Variants in ARHGAP5 observed in about 807,000 individuals in gnomAD.
ARHGAP5 encodes rho GTPase-activating protein 5.
In ARHGAP5, 23 loss-of-function variants were observed where a neutral mutation model predicts 116.6. The observed-to-expected ratio is 0.20, with a 90% CI of 0.14 to 0.28. The LOEUF is 0.28. ARHGAP5 is among the 10% of genes least tolerant of loss of function. The pLI, the probability that ARHGAP5 is intolerant of heterozygous loss-of-function variation, is 1.00. For missense variants in ARHGAP5, 1,405 were observed against 1,774.8 expected, an observed-to-expected ratio of 0.79 and a Z score of 3.74; for synonymous variants, 574 against 602.0, an observed-to-expected ratio of 0.95 and a Z score of 0.68.
chr14:32,152,318 T>G lies in ARHGAP5; in HGVS notation c.4076-105T>G. On this transcript the variant is annotated intron_variant, in intron 5 of 6. Coordinates refer to ENST00000345122, the MANE Select transcript of ARHGAP5 (RefSeq NM_001030055.2). ...ATTTTGTTTACCTATCCTAATATGC[T>G]TTAAACACATTCTTGACTGTTATAG... The G allele has an allele frequency of 6.2e-6, 5 of 800,482 alleles. No homozygotes were observed. The South Asian group carries it at 8.4e-5, about 13-fold the overall frequency. The allele number at this position is 800,482 out of a possible 1,614,324, so 49.6% of individuals were successfully genotyped here.
intron 1 of ARHGAP5, among the ~76,000 whole-genome samples, chr14:32,077,705 C>G (rs1317359309): frequency 6.6e-6 from 1 of 152,012 alleles, no homozygotes; most frequent in African/African-American, 2.4e-5. Flanking sequence ...GGGCCAGGGT[C>G]GGCGGAGGCC....
At chr14:32,110,605 A>C (rs1879244935) in intron 2 of ARHGAP5, among the ~76,000 whole-genome samples, 1 of 152,174 alleles carries the variant, frequency 6.6e-6, no homozygotes, top group African/African-American at 2.4e-5. Context: ...AATGTAAAGG[A>C]GCGGAGTCCA....
intron 3 of ARHGAP5, among the ~76,000 whole-genome samples, chr14:32,132,597 C>A (rs941046876): frequency 2.6e-5 from 4 of 152,172 alleles, no homozygotes; most frequent in African/African-American, 9.7e-5. Flanking sequence ...TAATTAGATC[C>A]TATTTGTCAA....
intron 2 of ARHGAP5, among the ~76,000 whole-genome samples, chr14:32,094,866 G>A (rs1015661485): frequency 2.0e-5 from 3 of 152,108 alleles, no homozygotes; most frequent in African/African-American, 7.2e-5. Context: ...TATACAGAAA[G>A]GTTTCTGAAA....
chr14:32,120,588 C>CA (rs1357288566), intron 3 of ARHGAP5, among the ~76,000 whole-genome samples: 2 of 149,052 alleles, frequency 1.3e-5, no homozygotes, highest in Non-Finnish European at 3.0e-5. Context: ...TTGTTTAATT[C>CA]AAAATACTTT....
rs751807923 is a variant in ARHGAP5 at position 32,154,882 on chromosome 14, G to T, written c.4443G>T (p.Leu1481Phe). 6.2e-7 allele frequency: 1 copy of T among 1,613,858 alleles called. No homozygotes were observed. The highest frequency in any genetic ancestry group is 1.3e-5 in the African/African-American group (1 of 74,912). Residue 1481 changes from leucine (L) to phenylalanine (F), a missense_variant, in exon 7 of 7, where the codon TTG becomes TTT. Leu to Phe is a conservative substitution (Grantham distance 22). Around this residue, in one of 6 missense-constraint regions of ARHGAP5, gnomAD observed 85 missense variants for 96.6 expected, o/e 0.88. Transcript: ENST00000345122. ...QLVEPMVPLQ[L>F]PPPLQPQLIQ... is the part of the protein sequence containing the mutation. ...TGGAACCAATGGTGCCACTTCAGTT[G>T]CCGCCACCATTGCAACCTCAGCTGA...
intron 2 of ARHGAP5, among the ~76,000 whole-genome samples, chr14:32,115,672 A>G (rs1369942256): frequency 2.0e-5 from 3 of 149,368 alleles, no homozygotes; most frequent in Non-Finnish European, 4.5e-5. Context: ...TCAAAAAAAA[A>G]AAAAAAAAAA....
intron 5 of ARHGAP5, among the ~76,000 whole-genome samples, chr14:32,150,844 G>T (rs74625574): frequency 0.035 from 5,357 of 152,122 alleles, 386 homozygotes; most frequent in East Asian, 0.33. Flanking sequence ...TTCCTACTTT[G>T]GCATCTTTCA....
At position 32,092,156 on chromosome 14, in the gene ARHGAP5, A is replaced by T; in HGVS notation, c.1487A>T (p.Glu496Val). 1 of 1,613,788 alleles carries T rather than the reference A, an allele frequency of 6.2e-7. No individual in the cohort carries two copies. Among genetic ancestry groups the T allele is most frequent in the Non-Finnish European group, 8.5e-7 (1 of 1,179,780 alleles). ...AKEEFQEMLF[E>V]HSELFYDLDL... ...GAAGAGTTTCAAGAAATGCTTTTTG[A>T]GCATTCTGAACTTTTTTATGATTTA... The change falls in exon 2 of 7, where the codon GAG becomes GTG. Residue 496 changes from glutamate (E) to valine (V), a missense_variant. Glu to Val is a moderately radical substitution (Grantham distance 121). Transcript: ENST00000345122. The surrounding 1 kb of genome is among the most constrained non-coding windows in gnomAD (Gnocchi z 4.1).
At chr14:32,127,795 G>A (rs574526916) in intron 3 of ARHGAP5, among the ~76,000 whole-genome samples, 175 of 150,976 alleles carry the variant, frequency 1.2e-3, no homozygotes, top group African/African-American at 3.6e-3. Flanking sequence ...GGCTGGAGGC[G>A]CCCCCCACCT....
At chr14:32,125,112 G>T (rs1402422961) in intron 3 of ARHGAP5, among the ~76,000 whole-genome samples, 1 of 152,084 alleles carries the variant, frequency 6.6e-6, no homozygotes, top group East Asian at 1.9e-4. Context: ...TCTAGTTCCA[G>T]AACATTTTCA....
intron 2 of ARHGAP5, among the ~76,000 whole-genome samples, chr14:32,108,480 T>C (rs928833131): frequency 6.6e-6 from 1 of 151,994 alleles, no homozygotes; most frequent in Non-Finnish European, 1.5e-5. Flanking sequence ...GCAGTTATTA[T>C]AGAGGGAAAA....
chr14:32,108,679 G>A (rs1879136937), intron 2 of ARHGAP5, among the ~76,000 whole-genome samples: 1 of 152,048 alleles, frequency 6.6e-6, no homozygotes, highest in African/African-American at 2.4e-5. Flanking sequence ...TCTCAAGTAT[G>A]AGACAGTATA....
chr14:32,106,951 ATGTCCC>A (rs1181861330), intron 2 of ARHGAP5, among the ~76,000 whole-genome samples: 1 of 152,168 alleles, frequency 6.6e-6, no homozygotes, highest in Non-Finnish European at 1.5e-5. Context: ...ACTTCTGAAA[ATGTCCC>A]TGACCTCATC....
intron 2 of ARHGAP5, among the ~76,000 whole-genome samples, chr14:32,095,075 A>G (rs1261609129): frequency 6.6e-6 from 1 of 152,194 alleles, no homozygotes; most frequent in Admixed American, 6.5e-5. Flanking sequence ...ACTGTTTGAC[A>G]CTTAATTGCA....
intron 2 of ARHGAP5, among the ~76,000 whole-genome samples, chr14:32,110,978 C>T (rs538098108): frequency 1.3e-5 from 2 of 152,166 alleles, no homozygotes; most frequent in African/African-American, 2.4e-5. Context: ...TTTTCTTAGA[C>T]TTTAAACTGA....
chr14:32,121,970 A>C (rs1879910660), intron 3 of ARHGAP5, among the ~76,000 whole-genome samples: 1 of 152,120 alleles, frequency 6.6e-6, no homozygotes, highest in East Asian at 1.9e-4. Flanking sequence ...GTTTGTTTCT[A>C]CTTTTTAACT....
At position 32,116,233 on chromosome 14, in the gene ARHGAP5, G is replaced by A. The variant is rs1448229470; in HGVS notation, c.3718-907G>A. ...ACCTGGGAGGCGGAGCTTGCAGTGA[G>A]CCTAGACCCTGCGCCACTGCACTCC... On this transcript the variant is annotated intron_variant, in intron 2 of 6. Coordinates refer to ENST00000345122, the MANE Select transcript of ARHGAP5 (RefSeq NM_001030055.2). Among the ~76,000 whole-genome samples the A allele has an allele frequency of 3.3e-5, 5 of 151,168 alleles. No homozygotes were observed. In the East Asian group the frequency reaches 7.8e-4, roughly 23 times the overall value.
intron 4 of ARHGAP5, among the ~76,000 whole-genome samples, chr14:32,147,860 T>TA (rs1452644445): frequency 1.3e-5 from 2 of 152,180 alleles, no homozygotes; most frequent in African/African-American, 4.8e-5. Context: ...ATCCCATTTT[T>TA]AAAAAATATT....
Sources: allele counts gnomAD v4.1 joint callset (sites outside exome capture counted in the v4.1 genomes callset), GRCh38; gene constraint gnomAD v4.1.1; regional missense constraint gnomAD v4.1.1; non-coding constraint Gnocchi (gnomAD v3.1); transcripts MANE v1.5; gene names NCBI Gene and HGNC (gene_info 2026-07-23, HGNC 2026-07-21).